The following BRWD1 variants were observed in gnomAD, a reference collection of about 807,000 sequenced individuals.
BRWD1 encodes bromodomain and WD repeat domain containing 1, also known as bromodomain and WD repeat-containing protein 1.
Under a neutral mutation model 251.2 loss-of-function variants are expected in BRWD1, and 82 were observed. The observed-to-expected ratio is 0.33, with a 90% CI of 0.27 to 0.39. The LOEUF is 0.39. Among genes scored for constraint, BRWD1 ranks in the 10% least tolerant of loss-of-function variants. The pLI is 1.00. For missense variants in BRWD1, 2,233 were observed against 2,711.6 expected, an observed-to-expected ratio of 0.82 and a Z score of 3.92; for synonymous variants, 918 against 902.8, an observed-to-expected ratio of 1.02 and a Z score of -0.30.
intron 29 of BRWD1, among the ~76,000 whole-genome samples, chr21:39,222,017 G>A (rs535636855): frequency 1.3e-5 from 2 of 151,924 alleles, no homozygotes; most frequent in African/African-American, 4.8e-5. Flanking sequence ...AAGGCAAATC[G>A]AAATCACAAT....
In BRWD1 at chr21:39,190,389, T is replaced by A. The variant is rs2031490204; in HGVS notation, c.*5870A>T. ...TAAAATTGGAGCATTTAAAACAGAT[T>A]TGAGAATGAGAAAAGAATGTCTGAC... On this transcript the variant is annotated 3_prime_UTR_variant, in exon 41 of 41. Transcript: ENST00000342449. The A allele has an allele frequency of 1.0e-6, 1 of 985,214 alleles. No individual in the cohort carries two copies. The highest frequency in any genetic ancestry group is 1.7e-5 in the African/African-American group (1 of 57,204). The allele number at this position is 985,214 out of a possible 1,614,324, so 61.0% of individuals were successfully genotyped here.
chr21:39,246,943 C>T (rs1288001615), intron 21 of BRWD1, among the ~76,000 whole-genome samples: 3 of 151,848 alleles, frequency 2.0e-5, no homozygotes, highest in African/African-American at 7.3e-5. Flanking sequence ...TTAGCTGGGC[C>T]ACCACTCACC....
At chr21:39,205,505 C>T (rs903524359) in intron 37 of BRWD1, among the ~76,000 whole-genome samples, 2 of 152,092 alleles carry the variant, frequency 1.3e-5, no homozygotes, top group Non-Finnish European at 2.9e-5. Context: ...AGCGCGGTGG[C>T]TCACACCTGC....
intron 40 of BRWD1, among the ~76,000 whole-genome samples, chr21:39,198,243 G>A (rs1042195812): frequency 2.0e-5 from 3 of 152,076 alleles, no homozygotes; most frequent in African/African-American, 4.8e-5. Context: ...CCTGTAAAAT[G>A]AACAATAATG....
chr21:39,215,444 C>A, intron 31 of BRWD1, 82 bp from the exon 32 acceptor site: 1 of 1,200,622 alleles, frequency 8.3e-7, no homozygotes, highest in South Asian at 1.3e-5. Flanking sequence ...GTGAATTAAA[C>A]AACTGTGAAA....
chr21:39,271,841 C>T lies in BRWD1; in HGVS notation c.1245-1408G>A, dbSNP rs527550737. ...ATCACTTGAGGTCAGGAGTTCCAGA[C>T]CAACCTGGCCAACAGGATGAAATCA... On this transcript the variant is annotated intron_variant, in intron 13 of 40. Transcript: ENST00000342449. Among the ~76,000 whole-genome samples, 3 of 151,418 alleles carry T rather than the reference C, an allele frequency of 2.0e-5. No individual in the cohort carries two copies. In the South Asian group the frequency reaches 6.2e-4, roughly 31 times the overall value.
rs551277710 is a variant in BRWD1, at chr21:39,273,353, T to C, written c.1244+1021A>G. ...TTAATTTGTTTATGAGCAAGGGTTA[T>C]CAAATTTCCAGTATATATACTTTTC... On this transcript the variant is annotated intron_variant, in intron 13 of 40. Coordinates refer to ENST00000342449, the MANE Select transcript of BRWD1 (RefSeq NM_033656.4). Among the ~76,000 whole-genome samples, 5 of 152,314 alleles carry C rather than the reference T, an allele frequency of 3.3e-5. No homozygotes were observed. In the East Asian group the frequency reaches 7.7e-4, roughly 23 times the overall value.
At position 39,251,296 on chromosome 21, in the gene BRWD1, C is replaced by T. The variant is rs188452570; in HGVS notation, c.2256-407G>A. 9.9e-5 allele frequency among the ~76,000 whole-genome samples: 15 copies of T among 152,222 alleles called. No individual in the cohort carries two copies. In the East Asian group the frequency reaches 2.7e-3, roughly 27 times the overall value. ...ATAGAAAACAAGAATAGCAATGTTA[C>T]TGGTTTTTCTAATCACCTATATTTC... On this transcript the variant is annotated intron_variant, in intron 19 of 40. Coordinates refer to ENST00000342449, the MANE Select transcript of BRWD1 (RefSeq NM_033656.4).
chr21:39,274,304 CGAGAGA>C (rs56135543), intron 13 of BRWD1, 64 bp downstream of exon 13: 933 of 988,858 alleles, frequency 9.4e-4, no homozygotes, highest in African/African-American at 2.1e-3. Flanking sequence ...ACACAGAGAG[CGAGAGA>C]GAGAGAGAGA....
At position 39,258,652 on chromosome 21, in the gene BRWD1, G is replaced by C. The variant is rs1163016650; in HGVS notation, c.1906C>G (p.Gln636Glu). ...TCATTGGTTTGCAGGCTTATAATTT[G>C]TTCAATCACCTCTCCATCACCTACA... ...VATSDGEVIE[Q>E]IISLQTNDND... Residue 636 changes from glutamine (Q) to glutamate (E), a missense_variant, in exon 18 of 41, where the codon CAA becomes GAA. Coordinates refer to ENST00000342449, the MANE Select transcript of BRWD1 (RefSeq NM_033656.4). 2 of 1,599,928 alleles carry C rather than the reference G, an allele frequency of 1.3e-6. No homozygotes were observed. The highest frequency in any genetic ancestry group is 1.7e-6 in the Non-Finnish European group (2 of 1,173,128).
chr21:39,307,524 C>G (rs1003176533), intron 4 of BRWD1, among the ~76,000 whole-genome samples: 6 of 152,026 alleles, frequency 3.9e-5, no homozygotes, highest in Admixed American at 3.9e-4. Context: ...TTTGTACTTT[C>G]CTTTTTCTTC....
intron 21 of BRWD1, among the ~76,000 whole-genome samples, chr21:39,241,067 A>ATT (rs767748242): frequency 1.1e-4 from 15 of 141,858 alleles, no homozygotes; most frequent in African/African-American, 2.8e-4. Flanking sequence ...CGCCCAGCTA[A>ATT]TTTTTTTTTT....
At chr21:39,316,014 G>A (rs1455017359), upstream of BRWD1, among the ~76,000 whole-genome samples, 2 of 152,140 alleles carry the variant, frequency 1.3e-5, no homozygotes, top group East Asian at 1.9e-4. Flanking sequence ...TGACTACTTG[G>A]GGTGACTTTG....
exon 1 of BRWD1, chr21:39,321,154 TTAAGACAGGGCCAGGCG>T (rs1453137588): frequency 6.6e-6 from 1 of 151,880 alleles, no homozygotes; most frequent in Non-Finnish European, 1.5e-5. Context: ...CTGTTAAAAC[TTAAGACAGGGCCAGGCG>T]TAGTGGCTCA....
chr21:39,218,486 T>TA lies in BRWD1; in HGVS notation c.3538+18dup, dbSNP rs747386852. 10 of 1,557,338 alleles carry TA rather than the reference T, an allele frequency of 6.4e-6. No homozygotes were observed. The highest frequency in any genetic ancestry group is 8.6e-6 in the Non-Finnish European group (10 of 1,159,934). ...AAATTGAAAAAAAAACTTTTCATCC[T>TA]AAAAAATAAAAAACTTACCAAGATT... On this transcript the variant is annotated intron_variant, in intron 30 of 40. Transcript: ENST00000342449.
intron 8 of BRWD1, among the ~76,000 whole-genome samples, chr21:39,281,264 A>AATC (rs2035448721): frequency 6.6e-6 from 1 of 152,202 alleles, no homozygotes; most frequent in Non-Finnish European, 1.5e-5. Flanking sequence ...GTATTGATTG[A>AATC]AAAAGAAGAG....
At chr21:39,313,014 C>T (rs2036561278) in intron 3 of BRWD1, 58 bp downstream of exon 3, 16 of 1,208,422 alleles carry the variant, frequency 1.3e-5, no homozygotes, top group Non-Finnish European at 1.6e-5. Context: ...GCGAGCATCC[C>T]TCAGGGCAAG....
chr21:39,260,968 T>C (rs368144718), intron 17 of BRWD1, among the ~76,000 whole-genome samples: 1 of 152,184 alleles, frequency 6.6e-6, no homozygotes, highest in African/African-American at 2.4e-5. Flanking sequence ...CGCCTGTCTG[T>C]AATCCCTGCA....
intron 20 of BRWD1, among the ~76,000 whole-genome samples, chr21:39,248,641 C>CAAAAAA (rs375430016): frequency 2.9e-4 from 24 of 83,294 alleles, no homozygotes; most frequent in East Asian, 1.6e-3. Context: ...CCCTATCTCC[C>CAAAAAA]AAAAAAAAAA....
Sources: gnomAD v4.1 joint callset for allele counts (sites outside exome capture counted in the v4.1 genomes callset) on GRCh38, gnomAD v4.1.1 for gene constraint, MANE v1.5 for transcripts, NCBI Gene and HGNC (gene_info 2026-07-23, HGNC 2026-07-21) for gene names.